The following GPR21 variants were observed in gnomAD, a reference collection of about 807,000 sequenced individuals.
GPR21 encodes the protein probable G protein-coupled receptor 21.
GPR21 carries 9 observed loss-of-function variants against 21.5 expected under a neutral mutation model. That is an observed-to-expected ratio of 0.42 (90% CI 0.25 to 0.73). The LOEUF is 0.73. Ranked by LOEUF, GPR21 falls within the 30% of genes least tolerant of loss-of-function variation. GPR21 has a pLI of 0.27. For missense variants in GPR21, 416 were observed against 428.9 expected (o/e 0.97, Z 0.27); for synonymous variants, 169 against 159.3 (o/e 1.06, Z -0.46).
At chr9:123,048,010 C>G in the GPR21 span, among the ~76,000 whole-genome samples, 1 of 143,010 alleles carries the variant, frequency 7.0e-6, no homozygotes, top group Admixed American at 7.5e-5. Context: ...GCGATCTCGG[C>G]CCACTGCGAA....
the GPR21 span, among the ~76,000 whole-genome samples, chr9:123,047,460 T>C: frequency 1.3e-5 from 2 of 152,198 alleles, no homozygotes; most frequent in Admixed American, 6.5e-5. Context: ...TTTAAGGCAT[T>C]ACTACATAGA....
At chr9:123,040,203 A>G (rs2032884712), downstream of GPR21, among the ~76,000 whole-genome samples, 1 of 152,184 alleles carries the variant, frequency 6.6e-6, no homozygotes, top group Non-Finnish European at 1.5e-5. Flanking sequence ...TTTATCTGGA[A>G]GAATGTACCA....
downstream of GPR21, among the ~76,000 whole-genome samples, chr9:123,039,212 G>A (rs904952269): frequency 1.3e-5 from 2 of 152,134 alleles, no homozygotes; most frequent in Admixed American, 6.6e-5. Flanking sequence ...AGCAATCCCA[G>A]ACTTGAGAAG....
chr9:123,047,482 T>G, the GPR21 span, among the ~76,000 whole-genome samples: 1 of 152,182 alleles, frequency 6.6e-6, no homozygotes. Context: ...ACTAATATAC[T>G]TTGCTTGGGA....
chr9:123,038,306 AT>A (rs2032776682), downstream of GPR21, among the ~76,000 whole-genome samples: 1 of 152,172 alleles, frequency 6.6e-6, no homozygotes, highest in Non-Finnish European at 1.5e-5. Flanking sequence ...CAAGCCTTTT[AT>A]AATGGCTTTT....
At chr9:123,045,308 C>T in the GPR21 span, among the ~76,000 whole-genome samples, 1 of 152,060 alleles carries the variant, frequency 6.6e-6, no homozygotes, top group Non-Finnish European at 1.5e-5. Context: ...TTTAGCTAGA[C>T]GAAAAAATAA....
chr9:123,041,600 G>C, the GPR21 span, among the ~76,000 whole-genome samples: 21 of 152,114 alleles, frequency 1.4e-4, no homozygotes, highest in Non-Finnish European at 2.6e-4. Context: ...GAATAGCAAA[G>C]GTATAATATG....
At chr9:123,040,464 C>A (rs988986710), downstream of GPR21, among the ~76,000 whole-genome samples, 3 of 152,012 alleles carry the variant, frequency 2.0e-5, no homozygotes, top group African/African-American at 7.2e-5. Flanking sequence ...TGAAATCATC[C>A]CTGCTTCCAT....
chr9:123,034,347 A>G lies in GPR21; in HGVS notation c.-220A>G. On this transcript the variant is annotated 5_prime_UTR_variant, in exon 2 of 2. Transcript: ENST00000616002. Reference sequence around the variant, plus strand: ...ACTATGGCCGCGTCTGGGACTGGCCAGACAACTGCTGCTGGCTCTCCTTAT... The same window carrying G: ...ACTATGGCCGCGTCTGGGACTGGCCGGACAACTGCTGCTGGCTCTCCTTAT... The G allele has an allele frequency of 1.8e-6, 1 of 565,786 alleles. No homozygotes were observed. 35.0% of individuals were successfully genotyped at this position (565,786 alleles called of 1,614,324 possible). A position where few individuals can be genotyped will look rare whatever the true frequency, so the allele number is the denominator to read the frequency against.
chr9:123,035,419 G>A lies in GPR21; in HGVS notation c.853G>A (p.Ala285Thr), dbSNP rs142528272. 98 of 1,613,952 alleles carry A rather than the reference G, an allele frequency of 6.1e-5. No individual in the cohort carries two copies. The highest frequency in any genetic ancestry group is 3.9e-4 in the African/African-American group (29 of 74,888). Residue 285 changes from alanine (A) to threonine (T), a missense_variant, in exon 2 of 2, where the codon GCA becomes ACA. Coordinates refer to ENST00000616002, the MANE Select transcript of GPR21 (RefSeq NM_005294.3). The stretch of plus-strand genomic sequence containing the variant: ...CTCCACTGGCCACAGCAACCGCTTC[G>A]CATCCTTCTTGACCACCTGGCTTGC... ...ESSTGHSNRF[A>T]SFLTTWLAIS...
chr9:123,035,049 C>T lies in GPR21; in HGVS notation c.483C>T (p.Phe161=). 1 of 1,614,120 alleles carries T rather than the reference C, an allele frequency of 6.2e-7. No individual in the cohort carries two copies. Among genetic ancestry groups the T allele is most frequent in the Non-Finnish European group, 8.5e-7 (1 of 1,179,984 alleles). ...TTTGGCTATACTCGACCCTGGTCTT[C>T]CTGCCTTCCTTTTTCCACTGGGGCA... ...FLIWLYSTLV[F]LPSFFHWGKP... The change falls in exon 2 of 2, where the codon TTC becomes TTT. Residue 161 remains phenylalanine (F), a synonymous_variant. Coordinates refer to ENST00000616002, the MANE Select transcript of GPR21 (RefSeq NM_005294.3).
the GPR21 span, among the ~76,000 whole-genome samples, chr9:123,042,714 C>T: frequency 1.3e-5 from 2 of 152,040 alleles, no homozygotes; most frequent in East Asian, 3.8e-4. Context: ...AACCCAATAG[C>T]TGACTAACAG....
At chr9:123,042,335 A>C in the GPR21 span, among the ~76,000 whole-genome samples, 57 of 152,312 alleles carry the variant, frequency 3.7e-4, no homozygotes, top group Admixed American at 1.8e-3. Flanking sequence ...ATATTAACAG[A>C]CAGCCAGAGA....
chr9:123,045,440 A>G, the GPR21 span, among the ~76,000 whole-genome samples: 1 of 152,188 alleles, frequency 6.6e-6, no homozygotes, highest in African/African-American at 2.4e-5. Context: ...GTAGGAATCT[A>G]AGTCATTCCT....
the GPR21 span, among the ~76,000 whole-genome samples, chr9:123,042,589 T>G: frequency 6.6e-6 from 1 of 152,166 alleles, no homozygotes; most frequent in Non-Finnish European, 1.5e-5. Context: ...TATAATAATT[T>G]TTTTGTTTGT....
chr9:123,033,839 T>C (rs1438557762), intron 1 of GPR21, 97 bp downstream of exon 1: 7 of 152,266 alleles, frequency 4.6e-5, no homozygotes, highest in African/African-American at 1.7e-4. Flanking sequence ...GTAAATTATC[T>C]TGGCTAATTT....
chr9:123,040,553 C>G (rs558915952), downstream of GPR21, among the ~76,000 whole-genome samples: 89 of 152,246 alleles, frequency 5.8e-4, no homozygotes, highest in African/African-American at 2.0e-3. Flanking sequence ...GTCTTTTAGT[C>G]AGATTCTTTG....
At chr9:123,046,553 C>G in the GPR21 span, among the ~76,000 whole-genome samples, 78 of 152,292 alleles carry the variant, frequency 5.1e-4, 2 homozygotes, top group South Asian at 5.2e-3. Flanking sequence ...CGTTCTAAGT[C>G]TCAGTTGTCT....
At chr9:123,040,509 G>A (rs540977210), downstream of GPR21, among the ~76,000 whole-genome samples, 3 of 152,154 alleles carry the variant, frequency 2.0e-5, no homozygotes, top group East Asian at 1.9e-4. Context: ...GACATATTAC[G>A]GTATTTCTTT....
Sources: allele counts gnomAD v4.1 joint callset (sites outside exome capture counted in the v4.1 genomes callset), GRCh38; gene constraint gnomAD v4.1.1; transcripts MANE v1.5; gene names NCBI Gene and HGNC (gene_info 2026-07-23, HGNC 2026-07-21).